The following CDH12 variants were observed in gnomAD, a reference collection of about 807,000 sequenced individuals.
CDH12 encodes cadherin-12.
A neutral mutation model predicts 74.1 loss-of-function variants in CDH12; 41 were observed. The observed-to-expected ratio is 0.55, with a 90% CI of 0.43 to 0.72. CDH12 has a LOEUF of 0.72. Ranked by LOEUF, CDH12 falls within the 30% of genes least tolerant of loss-of-function variation. CDH12 has a pLI of 0.00. For missense variants in CDH12, 945 were observed against 977.2 expected (o/e 0.97, Z 0.44); for synonymous variants, 399 against 355.0 (o/e 1.12, Z -1.39).
intron 1 of CDH12, among the ~76,000 whole-genome samples, chr5:22,636,023 T>A (rs1324083708): frequency 2.0e-5 from 3 of 151,874 alleles, no homozygotes; most frequent in African/African-American, 7.2e-5. Flanking sequence ...AAGAAAAGGA[T>A]TACCAAATAA....
At chr5:22,221,110 G>T (rs1193285967) in intron 3 of CDH12, among the ~76,000 whole-genome samples, 2 of 151,826 alleles carry the variant, frequency 1.3e-5, no homozygotes, top group Admixed American at 6.6e-5. Flanking sequence ...TATTTAGAGG[G>T]TCTTTTTATT....
chr5:21,996,101 A>G (rs1045653378), intron 5 of CDH12, among the ~76,000 whole-genome samples: 7 of 139,922 alleles, frequency 5.0e-5, no homozygotes, highest in South Asian at 4.5e-4. Context: ...AAGTTCACAC[A>G]CACGTTTTTT....
At chr5:22,573,374 C>T (rs531642514) in intron 1 of CDH12, among the ~76,000 whole-genome samples, 3 of 152,004 alleles carry the variant, frequency 2.0e-5, no homozygotes, top group African/African-American at 2.4e-5. Context: ...GTTCAGTTTT[C>T]GAGAACACTT....
At chr5:22,121,544 A>C (rs1235662061) in intron 4 of CDH12, among the ~76,000 whole-genome samples, 1 of 152,170 alleles carries the variant, frequency 6.6e-6, no homozygotes, top group African/African-American at 2.4e-5. Context: ...GAAACTTGTT[A>C]ATTTGCAAGT....
At chr5:22,473,584 A>C (rs1746053391) in intron 2 of CDH12, among the ~76,000 whole-genome samples, 1 of 152,150 alleles carries the variant, frequency 6.6e-6, no homozygotes, top group Non-Finnish European at 1.5e-5. Flanking sequence ...GGTAGAAAGA[A>C]GATGGTATAA....
At chr5:21,946,366 C>A (rs1163228607) in intron 6 of CDH12, among the ~76,000 whole-genome samples, 2 of 152,136 alleles carry the variant, frequency 1.3e-5, no homozygotes, top group Admixed American at 1.3e-4. Flanking sequence ...TATAATCAAA[C>A]TTCTGTTAAG....
At chr5:22,372,203 G>T (rs1290574272) in intron 3 of CDH12, among the ~76,000 whole-genome samples, 2 of 152,126 alleles carry the variant, frequency 1.3e-5, no homozygotes, top group African/African-American at 4.8e-5. Flanking sequence ...TATGCCTCTT[G>T]CTTGGAGAGG....
intron 1 of CDH12, among the ~76,000 whole-genome samples, chr5:22,561,446 A>C (rs1219850481): frequency 2.0e-5 from 3 of 152,190 alleles, no homozygotes; most frequent in Non-Finnish European, 4.4e-5. Context: ...GCATATAATT[A>C]AAACAAATTA....
intron 6 of CDH12, among the ~76,000 whole-genome samples, chr5:21,908,058 T>C (rs1346274064): frequency 1.3e-5 from 2 of 152,162 alleles, no homozygotes; most frequent in Non-Finnish European, 2.9e-5. Context: ...GCTCTGATGG[T>C]GGCCTTTATG....
chr5:22,425,515 T>C (rs1413036866), intron 2 of CDH12, among the ~76,000 whole-genome samples: 1 of 151,982 alleles, frequency 6.6e-6, no homozygotes, highest in African/African-American at 2.4e-5. Flanking sequence ...AAACATAAAT[T>C]ACACTTATAA....
At chr5:22,487,551 A>G (rs1265797083) in intron 2 of CDH12, among the ~76,000 whole-genome samples, 1 of 152,202 alleles carries the variant, frequency 6.6e-6, no homozygotes, top group Non-Finnish European at 1.5e-5. Flanking sequence ...CATACATTAA[A>G]TGAACAATAA....
chr5:22,333,376 A>C (rs1038600914), intron 3 of CDH12, among the ~76,000 whole-genome samples: 21 of 152,248 alleles, frequency 1.4e-4, no homozygotes, highest in Admixed American at 1.2e-3. Context: ...GTGAGGCTTA[A>C]AACCTAGATG....
intron 3 of CDH12, among the ~76,000 whole-genome samples, chr5:22,297,098 T>C (rs1266513813): frequency 1.3e-5 from 2 of 152,084 alleles, no homozygotes; most frequent in Non-Finnish European, 2.9e-5. Context: ...CTCTGCTCAC[T>C]GCAATCTCCA....
chr5:22,337,458 G>A (rs1474703954), intron 3 of CDH12, among the ~76,000 whole-genome samples: 2 of 152,160 alleles, frequency 1.3e-5, no homozygotes, highest in Non-Finnish European at 2.9e-5. Flanking sequence ...GTTGTGGGAA[G>A]GACCTTGTGG....
At chr5:22,178,646 A>G (rs962543869) in intron 4 of CDH12, among the ~76,000 whole-genome samples, 3 of 152,158 alleles carry the variant, frequency 2.0e-5, no homozygotes, top group African/African-American at 4.8e-5. Context: ...ACTCTTACCA[A>G]TAGTCCTCAG....
chr5:22,090,427 T>C (rs150530748), intron 4 of CDH12, among the ~76,000 whole-genome samples: 1 of 148,410 alleles, frequency 6.7e-6, no homozygotes, highest in East Asian at 2.0e-4. Flanking sequence ...GAACAAGATG[T>C]CTTCACTGTT....
intron 1 of CDH12, among the ~76,000 whole-genome samples, chr5:22,669,786 A>C (rs1251507410): frequency 6.6e-6 from 1 of 152,248 alleles, no homozygotes; most frequent in Admixed American, 6.5e-5. Flanking sequence ...TTATATGAGC[A>C]AAATACATTC....
At chr5:22,830,700 G>T (rs1050718622) in intron 1 of CDH12, among the ~76,000 whole-genome samples, 2 of 151,298 alleles carry the variant, frequency 1.3e-5, no homozygotes, top group Non-Finnish European at 3.0e-5. Flanking sequence ...ATTGCCTTTA[G>T]AATTGAATTT....
At chr5:21,908,517 T>C (rs1014668127) in intron 6 of CDH12, among the ~76,000 whole-genome samples, 4 of 152,124 alleles carry the variant, frequency 2.6e-5, no homozygotes, top group African/African-American at 7.2e-5. Flanking sequence ...AATATCTTTA[T>C]TTTCTCCAGA....
Sources: allele counts gnomAD v4.1 joint callset (sites outside exome capture counted in the v4.1 genomes callset), GRCh38; gene constraint gnomAD v4.1.1; transcripts MANE v1.5; gene names NCBI Gene and HGNC (gene_info 2026-07-23, HGNC 2026-07-21).